TENM3: variants seen among roughly 807,000 people sequenced by gnomAD.
The protein encoded by TENM3 is teneurin-3.
In TENM3, 63 loss-of-function variants were observed where a neutral mutation model predicts 255.1. That is an observed-to-expected ratio of 0.25 (90% CI 0.20 to 0.30). TENM3 has a LOEUF of 0.30. TENM3 is among the 10% of genes least tolerant of loss of function. The pLI is 1.00. For missense variants in TENM3, 2,929 were observed against 3,461.1 expected (o/e 0.85, Z 3.86); for synonymous variants, 1,306 against 1,322.3 (o/e 0.99, Z 0.27).
chr4:182,130,900 C>G, the TENM3 span, among the ~76,000 whole-genome samples: 1 of 152,008 alleles, frequency 6.6e-6, no homozygotes, highest in Non-Finnish European at 1.5e-5. Flanking sequence ...AATTCTATCT[C>G]ATTTGATTCT....
At chr4:181,655,070 G>A in the TENM3 span, among the ~76,000 whole-genome samples, 1 of 152,196 alleles carries the variant, frequency 6.6e-6, no homozygotes, top group Non-Finnish European at 1.5e-5. Flanking sequence ...GTTCATTTTG[G>A]GAGGAAGCCC....
chr4:181,526,208 G>A, the TENM3 span, among the ~76,000 whole-genome samples: 11 of 151,738 alleles, frequency 7.2e-5, no homozygotes, highest in Admixed American at 4.6e-4. Flanking sequence ...CTTCTAAGAA[G>A]ACGAGTTCTA....
chr4:181,602,874 A>T, the TENM3 span, among the ~76,000 whole-genome samples: 1 of 152,206 alleles, frequency 6.6e-6, no homozygotes, highest in African/African-American at 2.4e-5. Flanking sequence ...TTGATCACTA[A>T]CAGCATCTTC....
chr4:182,053,572 G>A, the TENM3 span, among the ~76,000 whole-genome samples: 1 of 152,118 alleles, frequency 6.6e-6, no homozygotes, highest in Admixed American at 6.5e-5. Flanking sequence ...CCCCAGGGTG[G>A]CAGCTCTGTA....
chr4:182,211,640 G>A (rs1279966326), intron 1 of TENM3, among the ~76,000 whole-genome samples: 6 of 152,112 alleles, frequency 3.9e-5, no homozygotes, highest in Non-Finnish European at 8.8e-5. Flanking sequence ...TTTCAAAAGC[G>A]CTGGAATCCT....
At chr4:181,576,851 T>C in the TENM3 span, among the ~76,000 whole-genome samples, 1 of 141,940 alleles carries the variant, frequency 7.0e-6, no homozygotes, top group Non-Finnish European at 1.5e-5. Flanking sequence ...TCCACTCTTA[T>C]TGCCCAGGCT....
chr4:181,668,020 C>A, the TENM3 span, among the ~76,000 whole-genome samples: 37 of 152,220 alleles, frequency 2.4e-4, no homozygotes, highest in African/African-American at 7.9e-4. Flanking sequence ...TGTGTGTATG[C>A]GCTAGAACAT....
chr4:182,596,202 G>A (rs748386584), intron 3 of TENM3, among the ~76,000 whole-genome samples: 1 of 152,256 alleles, frequency 6.6e-6, no homozygotes, highest in African/African-American at 2.4e-5. Context: ...CAACATATTT[G>A]CAAATTACCT....
the TENM3 span, among the ~76,000 whole-genome samples, chr4:181,791,659 T>G: frequency 6.6e-6 from 1 of 152,244 alleles, no homozygotes; most frequent in Non-Finnish European, 1.5e-5. Context: ...AGTAAGGAAC[T>G]GGTTACCATC....
chr4:181,449,554 C>A, the TENM3 span, among the ~76,000 whole-genome samples: 1 of 152,146 alleles, frequency 6.6e-6, no homozygotes, highest in South Asian at 2.1e-4. Flanking sequence ...GAGACCGAGG[C>A]AGGCAGGTCA....
the TENM3 span, among the ~76,000 whole-genome samples, chr4:181,533,302 C>A: frequency 1.8e-3 from 274 of 152,298 alleles, 2 homozygotes; most frequent in South Asian, 0.014. Context: ...GGCCACTGAC[C>A]TATTGTGTCA....
chr4:181,538,003 A>G, the TENM3 span, among the ~76,000 whole-genome samples: 3 of 152,174 alleles, frequency 2.0e-5, no homozygotes, highest in African/African-American at 4.8e-5. Context: ...GAGAAGGCTT[A>G]TTGATATATT....
At chr4:181,626,270 G>T in the TENM3 span, among the ~76,000 whole-genome samples, 1 of 152,184 alleles carries the variant, frequency 6.6e-6, no homozygotes, top group African/African-American at 2.4e-5. Context: ...GAAAAGGCCA[G>T]TGTGGCTGGA....
Position 182,294,003 on chromosome 4 carries a change from G to T in TENM3, c.-75-29943G>T, listed in dbSNP as rs74831102. 4.6e-5 allele frequency among the ~76,000 whole-genome samples: 7 copies of T among 152,142 alleles called. No homozygotes were observed. In the East Asian group the frequency reaches 1.4e-3, roughly 29 times the overall value. The stretch of plus-strand genomic sequence containing the variant: ...TTTTGGGAGGTTGGGTCTTTCCTGC[G>T]CTCCCTGCGTCCTAGGCCATCACAG... On this transcript the variant is annotated intron_variant, in intron 1 of 27. Transcript: ENST00000511685.
At chr4:181,895,860 T>C in the TENM3 span, among the ~76,000 whole-genome samples, 3 of 152,126 alleles carry the variant, frequency 2.0e-5, no homozygotes, top group Non-Finnish European at 4.4e-5. Flanking sequence ...GTATTCTCTA[T>C]ATAAACCTTT....
the TENM3 span, among the ~76,000 whole-genome samples, chr4:181,746,187 G>T: frequency 6.6e-6 from 1 of 152,140 alleles, no homozygotes; most frequent in Admixed American, 6.6e-5. Context: ...TTAACAATGG[G>T]CTGCTAAACA....
At chr4:181,917,939 G>A in the TENM3 span, among the ~76,000 whole-genome samples, 1 of 152,062 alleles carries the variant, frequency 6.6e-6, no homozygotes, top group Admixed American at 6.6e-5. Context: ...TGGGATTACA[G>A]GCATGAGCCA....
At chr4:182,523,505 G>A (rs1197605598) in intron 3 of TENM3, among the ~76,000 whole-genome samples, 1 of 152,026 alleles carries the variant, frequency 6.6e-6, no homozygotes, top group Non-Finnish European at 1.5e-5. Flanking sequence ...TAAATTAGTG[G>A]GTACTGAGAA....
the TENM3 span, among the ~76,000 whole-genome samples, chr4:181,645,014 A>G: frequency 6.6e-6 from 1 of 152,192 alleles, no homozygotes; most frequent in Non-Finnish European, 1.5e-5. Flanking sequence ...GCATTTGAGT[A>G]ATTAATATTC....
Sources: allele counts gnomAD v4.1 joint callset (sites outside exome capture counted in the v4.1 genomes callset), GRCh38; gene constraint gnomAD v4.1.1; transcripts MANE v1.5; gene names NCBI Gene and HGNC (gene_info 2026-07-23, HGNC 2026-07-21).